The following CALN1 variants were observed in gnomAD, a reference collection of about 807,000 sequenced individuals.
CALN1 encodes the protein calcium-binding protein 8.
Under a neutral mutation model 30.6 loss-of-function variants are expected in CALN1, and 17 were observed. The observed-to-expected ratio is 0.56, with a 90% confidence interval of 0.38 to 0.83. The LOEUF is 0.83. Among genes scored for constraint, CALN1 ranks in the 40% least tolerant of loss-of-function variants. The probability of loss-of-function intolerance (pLI) is 0.00; values close to 1 mark genes in which losing one functional copy is unlikely to be tolerated. For synonymous variants in CALN1, 156 were observed against 131.4 expected (o/e 1.19, Z -1.28); for missense variants, 291 against 354.9 (o/e 0.82, Z 1.45).
chr7:72,166,526 T>C (rs916972002), intron 3 of CALN1, among the ~76,000 whole-genome samples: 3 of 152,230 alleles, frequency 2.0e-5, no homozygotes, highest in African/African-American at 7.2e-5. Context: ...ATTGTCTTTG[T>C]GACAAGCCAC....
chr7:72,209,206 C>T (rs1234084902), intron 3 of CALN1, among the ~76,000 whole-genome samples: 61 of 125,346 alleles, frequency 4.9e-4, no homozygotes, highest in South Asian at 1.6e-3. Flanking sequence ...CCCTCCTTCC[C>T]TCCTTCCTTC....
At chr7:72,352,350 T>C (rs982048502) in intron 2 of CALN1, among the ~76,000 whole-genome samples, 13 of 135,054 alleles carry the variant, frequency 9.6e-5, no homozygotes, top group Admixed American at 5.5e-4. Flanking sequence ...TATTGTGCCA[T>C]TGCACTCCAG....
chr7:72,169,975 G>C (rs1788822539), intron 3 of CALN1, among the ~76,000 whole-genome samples: 1 of 151,330 alleles, frequency 6.6e-6, no homozygotes, highest in Admixed American at 6.6e-5. Context: ...TTACGGGCGT[G>C]AGACACCGCA....
At chr7:72,374,954 T>C (rs1392857263) in intron 2 of CALN1, among the ~76,000 whole-genome samples, 2 of 152,332 alleles carry the variant, frequency 1.3e-5, no homozygotes, top group African/African-American at 4.8e-5. Flanking sequence ...CATATAAATA[T>C]GGATCTAATT....
chr7:71,876,838 C>T (rs778224587), intron 5 of CALN1, among the ~76,000 whole-genome samples: 1 of 152,280 alleles, frequency 6.6e-6, no homozygotes, highest in Admixed American at 6.5e-5. Flanking sequence ...TCCGACCCAC[C>T]ACATTATTAC....
At chr7:71,841,152 A>T (rs1400141916) in intron 5 of CALN1, among the ~76,000 whole-genome samples, 1 of 152,168 alleles carries the variant, frequency 6.6e-6, no homozygotes, top group Non-Finnish European at 1.5e-5. Flanking sequence ...AGAGGAGATG[A>T]AGGATGCAAC....
At chr7:71,847,715 GA>G (rs1451274394) in intron 5 of CALN1, among the ~76,000 whole-genome samples, 6 of 105,800 alleles carry the variant, frequency 5.7e-5, no homozygotes, top group African/African-American at 3.1e-4. Flanking sequence ...GAAGAAAGAA[GA>G]AAGAAGAAGA....
At chr7:72,460,875 G>A in the CALN1 span, among the ~76,000 whole-genome samples, 227 of 152,242 alleles carry the variant, frequency 1.5e-3, no homozygotes, top group Non-Finnish European at 2.5e-3. Context: ...TTCCCCCCAC[G>A]GCAGGACAGA....
At chr7:72,362,518 T>C (rs1289803835) in intron 2 of CALN1, among the ~76,000 whole-genome samples, 1 of 152,162 alleles carries the variant, frequency 6.6e-6, no homozygotes, top group African/African-American at 2.4e-5. Flanking sequence ...TAAAATACAC[T>C]TCCTTCACTT....
In CALN1 at chr7:72,256,122, G is replaced by A. The variant is rs376687964; in HGVS notation, c.244+22564C>T. ...GGACATTATTAGTGTCCTATTAGAT[G>A]GGGGCTTTTTTGCCCCTACACTTCA... On this transcript the variant is annotated intron_variant, in intron 3 of 6. Coordinates refer to ENST00000395275, the MANE Select transcript of CALN1 (RefSeq NM_031468.4). Among the ~76,000 whole-genome samples the A allele has an allele frequency of 3.0e-4, 45 of 152,298 alleles. No homozygotes were observed. The East Asian group carries it at 5.8e-3, about 20-fold the overall frequency.
At chr7:72,475,265 C>T in the CALN1 span, among the ~76,000 whole-genome samples, 1 of 152,096 alleles carries the variant, frequency 6.6e-6, no homozygotes, top group Non-Finnish European at 1.5e-5. Context: ...ACCATCCTGG[C>T]AAACATGGTG....
intron 3 of CALN1, among the ~76,000 whole-genome samples, chr7:72,195,604 C>G (rs976333051): frequency 6.6e-6 from 1 of 152,078 alleles, no homozygotes; most frequent in Non-Finnish European, 1.5e-5. Context: ...CTCTCTAACT[C>G]CTGGGCCTCA....
chr7:72,181,846 A>G, intron 3 of CALN1, among the ~76,000 whole-genome samples: 1 of 152,170 alleles, frequency 6.6e-6, no homozygotes, highest in East Asian at 1.9e-4. Flanking sequence ...CCATAAGAAC[A>G]CAAGTATTCA....
chr7:71,818,495 G>A (rs530164171), intron 5 of CALN1, among the ~76,000 whole-genome samples: 7 of 151,940 alleles, frequency 4.6e-5, no homozygotes, highest in African/African-American at 1.2e-4. Flanking sequence ...TGTATGACAC[G>A]GTGAAAAGCT....
chr7:72,349,767 G>A (rs992895349), intron 2 of CALN1, among the ~76,000 whole-genome samples: 3 of 152,070 alleles, frequency 2.0e-5, no homozygotes, highest in Non-Finnish European at 2.9e-5. Context: ...TGTGTCCTTT[G>A]CCCACTTTGT....
chr7:71,836,650 G>T (rs1789625323), intron 5 of CALN1, among the ~76,000 whole-genome samples: 1 of 141,990 alleles, frequency 7.0e-6, no homozygotes, highest in African/African-American at 2.6e-5. Context: ...CTGAGACAGA[G>T]TTCTGTCGCC....
chr7:72,442,402 A>AT (rs1259846583), intron 1 of CALN1, among the ~76,000 whole-genome samples: 1 of 152,240 alleles, frequency 6.6e-6, no homozygotes, highest in Non-Finnish European at 1.5e-5. Context: ...TCAGGATTGC[A>AT]TTCTATTTAG....
chr7:72,108,329 AC>A (rs1807322847), intron 3 of CALN1, among the ~76,000 whole-genome samples: 1 of 152,320 alleles, frequency 6.6e-6, no homozygotes, highest in Non-Finnish European at 1.5e-5. Context: ...ATCTTCAAAG[AC>A]TTTTCTGTAA....
At chr7:71,833,855 C>T (rs1365530091) in intron 5 of CALN1, among the ~76,000 whole-genome samples, 4 of 152,144 alleles carry the variant, frequency 2.6e-5, no homozygotes, top group African/African-American at 9.6e-5. Context: ...CAAGGCTGAG[C>T]TATGATTGTG....
Sources: allele counts gnomAD v4.1 joint callset (sites outside exome capture counted in the v4.1 genomes callset), GRCh38; gene constraint gnomAD v4.1.1; transcripts MANE v1.5; gene names NCBI Gene and HGNC (gene_info 2026-07-23, HGNC 2026-07-21).